Variants in TENT5D observed in about 807,000 individuals in gnomAD.
The protein encoded by TENT5D is terminal nucleotidyltransferase 5D.
For missense variants in TENT5D, 191 were observed against 287.0 expected (o/e 0.67, Z 2.42); for synonymous variants, 103 against 100.6 (o/e 1.02, Z -0.15).
At chrX:80,339,182 T>G (rs1929909614) in intron 2 of TENT5D, among the ~76,000 whole-genome samples, 1 of 111,405 alleles carries the variant, frequency 9.0e-6, no homozygotes, top group African/African-American at 3.3e-5. Flanking sequence ...AGTGCAGTAC[T>G]TTTGAATGTG....
At chrX:80,357,896 G>A (rs748238816) in intron 3 of TENT5D, among the ~76,000 whole-genome samples, 19 of 111,524 alleles carry the variant, frequency 1.7e-4, no homozygotes, top group African/African-American at 4.6e-4. Flanking sequence ...GAGGCATCAC[G>A]CTACCTGACT....
chrX:80,373,274 T>G (rs1052407000), intron 3 of TENT5D, among the ~76,000 whole-genome samples: 1 of 111,463 alleles, frequency 9.0e-6, no homozygotes, highest in Non-Finnish European at 1.9e-5. Flanking sequence ...TTCTGGACTT[T>G]ATAGTTTAGG....
chrX:80,364,517 A>C (rs192543842), intron 3 of TENT5D, among the ~76,000 whole-genome samples: 5 of 111,022 alleles, frequency 4.5e-5, no homozygotes, highest in African/African-American at 1.6e-4. Flanking sequence ...CTCAATATGT[A>C]CTCTATATAT....
chrX:80,379,242 G>A (rs1022994698), intron 3 of TENT5D, among the ~76,000 whole-genome samples: 2 of 107,408 alleles, frequency 1.9e-5, no homozygotes, highest in African/African-American at 3.4e-5. Flanking sequence ...ATATATGATG[G>A]ATTACGTTTA....
At chrX:80,433,611 A>C (rs1365279101) in intron 1 of TENT5D, among the ~76,000 whole-genome samples, 1 of 111,685 alleles carries the variant, frequency 9.0e-6, no homozygotes, top group Non-Finnish European at 1.9e-5. Context: ...TTTTAAATTG[A>C]GAACTTTTTG....
chrX:80,443,569 A>G lies in TENT5D; in HGVS notation c.1030A>G (p.Lys344Glu), dbSNP rs201641735. The G allele has an allele frequency of 8.6e-5, 104 of 1,209,057 alleles. No individual in the cohort carries two copies. The highest frequency in any genetic ancestry group is 6.3e-5 in the Non-Finnish European group (56 of 894,786). The change falls in exon 3 of 3, where the codon AAG becomes GAG. Residue 344 changes from lysine to glutamate, a missense_variant. Transcript: ENST00000308293. ...ACTAAATATTCTACCCAATACACAAAAGGTAACTTGCTTTTATCAGCCTGC... is the reference window on the plus strand; with the variant it reads ...ACTAAATATTCTACCCAATACACAAGAGGTAACTTGCTTTTATCAGCCTGC...
intron 3 of TENT5D, among the ~76,000 whole-genome samples, chrX:80,382,710 C>CCCG: frequency 9.1e-6 from 1 of 109,580 alleles, no homozygotes; most frequent in South Asian, 4.1e-4. Context: ...GGACGCCCCC[C>CCCG]CCCCACTGCC....
At chrX:80,373,873 A>G (rs1159666365) in intron 3 of TENT5D, among the ~76,000 whole-genome samples, 2 of 111,327 alleles carry the variant, frequency 1.8e-5, no homozygotes, top group African/African-American at 6.5e-5. Flanking sequence ...GTACATGTGC[A>G]GGTTTGTTAT....
intron 3 of TENT5D, among the ~76,000 whole-genome samples, chrX:80,401,913 C>A (rs1414616623): frequency 9.0e-6 from 1 of 111,567 alleles, no homozygotes; most frequent in Admixed American, 9.5e-5. Context: ...TAATTCTGGC[C>A]TTATATAGTT....
intron 3 of TENT5D, among the ~76,000 whole-genome samples, chrX:80,404,483 C>T (rs190346084): frequency 1.5e-4 from 17 of 111,361 alleles, no homozygotes; most frequent in Middle Eastern, 4.7e-3. Flanking sequence ...CACAGGGGCC[C>T]GCATGCTGGT....
intron 1 of TENT5D, among the ~76,000 whole-genome samples, chrX:80,434,807 G>A (rs1932154636): frequency 9.7e-6 from 1 of 103,463 alleles, no homozygotes; most frequent in Non-Finnish European, 2.0e-5. Flanking sequence ...TTTTGAGACG[G>A]AGTCTCTCTT....
At chrX:80,391,745 G>A (rs1419184145) in intron 3 of TENT5D, among the ~76,000 whole-genome samples, 4 of 112,769 alleles carry the variant, frequency 3.5e-5, no homozygotes, top group South Asian at 7.3e-4. Flanking sequence ...AAAAGTATAT[G>A]TGAAGATGCG....
chrX:80,398,332 T>A (rs780472324), intron 3 of TENT5D, among the ~76,000 whole-genome samples: 4 of 112,261 alleles, frequency 3.6e-5, no homozygotes, highest in Non-Finnish European at 7.5e-5. Flanking sequence ...TTGCAAATAT[T>A]TTCTACTATT....
intron 2 of TENT5D, among the ~76,000 whole-genome samples, chrX:80,340,989 C>T (rs1569353935): frequency 8.9e-6 from 1 of 112,136 alleles, no homozygotes; most frequent in Non-Finnish European, 1.9e-5. Context: ...TCAGGATTAG[C>T]CACAGCAAGA....
At chrX:80,366,722 A>G (rs772327130) in intron 3 of TENT5D, among the ~76,000 whole-genome samples, 1 of 111,643 alleles carries the variant, frequency 9.0e-6, no homozygotes, top group Admixed American at 9.6e-5. Flanking sequence ...TCCACATTTA[A>G]TAGATGAGAA....
At chrX:80,424,278 A>G (rs1931945682) in intron 1 of TENT5D, among the ~76,000 whole-genome samples, 1 of 111,756 alleles carries the variant, frequency 8.9e-6, no homozygotes, top group Admixed American at 9.6e-5. Flanking sequence ...ACATGTATTA[A>G]AATGAAACAA....
chrX:80,347,574 C>T (rs1363550682), intron 3 of TENT5D, among the ~76,000 whole-genome samples: 3 of 111,546 alleles, frequency 2.7e-5, no homozygotes, highest in South Asian at 3.8e-4. Flanking sequence ...GGATGTTAAA[C>T]GTTTGTCAGA....
chrX:80,365,595 C>G (rs1369128084), intron 3 of TENT5D, among the ~76,000 whole-genome samples: 1 of 111,263 alleles, frequency 9.0e-6, no homozygotes, highest in Non-Finnish European at 1.9e-5. Flanking sequence ...AATCCCAGCA[C>G]TTTAGGAGGC....
exon 3 of TENT5D, chrX:80,443,619 G>A: frequency 8.3e-7 from 1 of 1,210,302 alleles, no homozygotes; most frequent in Non-Finnish European, 1.1e-6. Flanking sequence ...CTGAGGCAAG[G>A]TACCCTATTT....
Sources: gnomAD v4.1 joint callset for allele counts (sites outside exome capture counted in the v4.1 genomes callset) on GRCh38, gnomAD v4.1.1 for gene constraint, MANE v1.5 for transcripts, NCBI Gene and HGNC (gene_info 2026-07-23, HGNC 2026-07-21) for gene names.